Variants in NWD2 observed in about 807,000 individuals in gnomAD.
NWD2 encodes NACHT and WD repeat domain-containing protein 2.
NWD2 carries 37 observed loss-of-function variants against 132.7 expected under a neutral mutation model. That is an observed-to-expected ratio of 0.28 (90% CI 0.21 to 0.37). The LOEUF (loss-of-function observed/expected upper bound fraction) is 0.37, where lower values mean the gene tolerates loss of function less well. Ranked by LOEUF, NWD2 falls within the 10% of genes least tolerant of loss-of-function variation. The pLI is 1.00. For synonymous variants in NWD2, 705 were observed against 803.0 expected (o/e 0.88, Z 2.06); for missense variants, 1,592 against 2,122.4 (o/e 0.75, Z 4.91).
intron 3 of NWD2, among the ~76,000 whole-genome samples, chr4:37,377,244 G>A (rs1260386656): frequency 6.6e-6 from 1 of 152,156 alleles, no homozygotes; most frequent in Non-Finnish European, 1.5e-5. Flanking sequence ...CCACAGCATT[G>A]CCTCAGCAAA....
In NWD2 at chr4:37,447,464, G is replaced by A. The variant is rs936588; in HGVS notation, c.*247G>A. On this transcript the variant is annotated 3_prime_UTR_variant, in exon 7 of 7. Transcript: ENST00000309447. ...ATGGTTACTTCATCTGAAAGGCAGA[G>A]GCTAAAAGTTTTTAAATTAGCTGTG... is the stretch of plus-strand genomic sequence containing the variant. 0.17 allele frequency: 85,641 copies of A among 508,398 alleles called. 8,094 individuals are homozygous for A. Among genetic ancestry groups the A allele is most frequent in the Admixed American group, 0.21 (6,153 of 29,710 alleles). The allele number at this position is 508,398 out of a possible 1,614,324, so 31.5% of individuals were successfully genotyped here.
intron 2 of NWD2, among the ~76,000 whole-genome samples, chr4:37,347,869 G>A (rs1442423247): frequency 1.3e-5 from 2 of 152,172 alleles, no homozygotes; most frequent in African/African-American, 2.4e-5. Flanking sequence ...GAATCGAGAC[G>A]AGATTATGTG....
chr4:37,392,213 T>A (rs1290361956), intron 3 of NWD2, among the ~76,000 whole-genome samples: 1 of 151,958 alleles, frequency 6.6e-6, no homozygotes, highest in African/African-American at 2.4e-5. Context: ...AAAAACATAA[T>A]TAATTAAAAC....
chr4:37,446,423 A>T lies in NWD2; in HGVS notation c.4435A>T (p.Thr1479Ser). 6.4e-7 allele frequency: 1 copy of T among 1,551,764 alleles called. No individual in the cohort carries two copies. Among genetic ancestry groups the T allele is most frequent in the Non-Finnish European group, 8.7e-7 (1 of 1,147,004 alleles). ...CAAGAAATTTTGCTGTGAAGATGGGACCACCATCGTGAATTTTAAATTAAT... is the reference window on the plus strand; with the variant it reads ...CAAGAAATTTTGCTGTGAAGATGGGTCCACCATCGTGAATTTTAAATTAAT... ...ITKKFCCEDG[T>S]TIVNFKLIPD... is the part of the protein sequence containing the mutation. The change falls in exon 7 of 7, where the codon ACC becomes TCC. Residue 1479 changes from threonine to serine, a missense_variant. By Grantham distance (58) the Thr-to-Ser change is moderately conservative (BLOSUM62 1). Transcript: ENST00000309447. This position sits in a 1 kb window ranked among gnomAD's most constrained non-coding sequence, Gnocchi z 6.7.
chr4:37,351,823 A>C (rs563648992), intron 2 of NWD2, among the ~76,000 whole-genome samples: 2 of 152,284 alleles, frequency 1.3e-5, no homozygotes, highest in East Asian at 3.9e-4. Context: ...TTAGTGCTAT[A>C]AATTTCCCTC....
chr4:37,370,271 C>G (rs1268242265), intron 3 of NWD2, among the ~76,000 whole-genome samples: 1 of 152,028 alleles, frequency 6.6e-6, no homozygotes, highest in Non-Finnish European at 1.5e-5. Flanking sequence ...TTTACACTTG[C>G]CTATTGTTAT....
chr4:37,371,801 A>G (rs1020451787), intron 3 of NWD2, among the ~76,000 whole-genome samples: 6 of 152,238 alleles, frequency 3.9e-5, no homozygotes, highest in Admixed American at 3.3e-4. Context: ...TTGCCCTGCA[A>G]TGCAGAACGC....
intron 2 of NWD2, among the ~76,000 whole-genome samples, chr4:37,343,326 C>G (rs1202465904): frequency 6.6e-6 from 1 of 152,212 alleles, no homozygotes; most frequent in Non-Finnish European, 1.5e-5. Context: ...CTGTTCAAAG[C>G]TTTCTGAATC....
intron 2 of NWD2, among the ~76,000 whole-genome samples, chr4:37,345,356 A>G (rs1223677571): frequency 4.6e-5 from 7 of 152,150 alleles, no homozygotes; most frequent in East Asian, 1.9e-4. Flanking sequence ...GAGGGTTCCA[A>G]TGTCTCCACA....
At chr4:37,425,032 CT>C (rs1454728146) in intron 3 of NWD2, among the ~76,000 whole-genome samples, 2 of 152,102 alleles carry the variant, frequency 1.3e-5, no homozygotes, top group Non-Finnish European at 2.9e-5. Context: ...AAAGCAGTGG[CT>C]TAGATGTAGC....
rs193141082 is a variant in NWD2, at chr4:37,338,559, G to C, written c.240+12535G>C. Among the ~76,000 whole-genome samples, 8 of 152,306 alleles carry C rather than the reference G, an allele frequency of 5.3e-5. No individual in the cohort carries two copies. In the East Asian group the frequency reaches 1.5e-3, roughly 29 times the overall value. On this transcript the variant is annotated intron_variant, in intron 2 of 6. Coordinates refer to ENST00000309447, the MANE Select transcript of NWD2 (RefSeq NM_001144990.2). ...CCTGCTAACCAGAGGACGAAGAATT[G>C]GGCACGAATCGCCAACTAGTTTTAG...
chr4:37,389,361 G>A (rs1720636180), intron 3 of NWD2, among the ~76,000 whole-genome samples: 1 of 152,220 alleles, frequency 6.6e-6, no homozygotes, highest in African/African-American at 2.4e-5. Flanking sequence ...CAGGTTTAAT[G>A]TGTATTAATA....
chr4:37,361,916 A>G (rs1467506956), intron 3 of NWD2, among the ~76,000 whole-genome samples: 1 of 152,202 alleles, frequency 6.6e-6, no homozygotes, highest in Non-Finnish European at 1.5e-5. Context: ...TTCTATACCT[A>G]GGAAATCATA....
At chr4:37,361,967 C>T (rs1467745926) in intron 3 of NWD2, among the ~76,000 whole-genome samples, 1 of 151,870 alleles carries the variant, frequency 6.6e-6, no homozygotes, top group African/African-American at 2.4e-5. Flanking sequence ...TAAACAACTT[C>T]AGTTTCAGGA....
chr4:37,424,381 T>C (rs1711929393), intron 3 of NWD2, among the ~76,000 whole-genome samples: 1 of 152,222 alleles, frequency 6.6e-6, no homozygotes, highest in Non-Finnish European at 1.5e-5. Flanking sequence ...CCATGTCTTC[T>C]GGGAAACATG....
intron 3 of NWD2, among the ~76,000 whole-genome samples, chr4:37,394,514 T>A (rs1046451740): frequency 1.3e-5 from 2 of 152,200 alleles, no homozygotes; most frequent in African/African-American, 2.4e-5. Flanking sequence ...AAAATCATGA[T>A]AATAAAGTGA....
chr4:37,363,501 T>C (rs1183153306), intron 3 of NWD2, among the ~76,000 whole-genome samples: 2 of 152,196 alleles, frequency 1.3e-5, no homozygotes, highest in African/African-American at 4.8e-5. Flanking sequence ...TGGATGAAGC[T>C]GGATGCTATT....
rs148809872 is a variant in NWD2, at chr4:37,405,122, T to C, written c.358-25450T>C. Among the ~76,000 whole-genome samples, 864 of 152,298 alleles carry C rather than the reference T, an allele frequency of 5.7e-3. 9 individuals are homozygous for C. The highest frequency in any genetic ancestry group is 0.02 in the African/African-American group (821 of 41,552). ...TGAACAAATAAATGAATATCCTCAG[T>C]GTAAAGATTTTCCTGTAGTTCAAAT... On this transcript the variant is annotated intron_variant, in intron 3 of 6. Transcript: ENST00000309447.
rs1308407988 is a variant in NWD2, at chr4:37,348,675, T to TATATATAC, written c.241-7690_241-7689insTATATACA. ...ATATATATATATATATATATATATATACACACACACACACACACACACACA... is the reference window on the plus strand; with the variant it reads ...ATATATATATATATATATATATATATATATATACACACACACACACACACACACACACA... On this transcript the variant is annotated intron_variant, in intron 2 of 6. Transcript: ENST00000309447. 1.8e-3 allele frequency among the ~76,000 whole-genome samples: 41 copies of TATATATAC among 22,566 alleles called. 2 individuals carry two copies. The highest frequency in any genetic ancestry group is 2.1e-3 in the South Asian group (1 of 468). 14.8% of individuals were successfully genotyped at this position (22,566 alleles called of 152,430 possible).
Sources: gnomAD v4.1 joint callset for allele counts (sites outside exome capture counted in the v4.1 genomes callset) on GRCh38, gnomAD v4.1.1 for gene constraint, Gnocchi (gnomAD v3.1) non-coding constraint, MANE v1.5 for transcripts, NCBI Gene and HGNC (gene_info 2026-07-23, HGNC 2026-07-21) for gene names.